Variants in RGS7 observed in about 807,000 individuals in gnomAD.
RGS7 encodes regulator of G protein signaling 7.
RGS7 carries 27 observed loss-of-function variants against 81.1 expected under a neutral mutation model. The observed-to-expected ratio is 0.33, with a 90% CI of 0.25 to 0.46. The LOEUF (loss-of-function observed/expected upper bound fraction) is 0.46, where lower values mean the gene tolerates loss of function less well. Ranked by LOEUF, RGS7 falls within the 20% of genes least tolerant of loss-of-function variation. RGS7 has a pLI of 1.00. For missense variants in RGS7, 396 were observed against 607.4 expected, an observed-to-expected ratio of 0.65 and a Z score of 3.66; for synonymous variants, 208 against 207.7, an observed-to-expected ratio of 1.00 and a Z score of -0.01.
intron 11 of RGS7, among the ~76,000 whole-genome samples, chr1:240,815,815 G>A (rs961871730): frequency 6.6e-6 from 1 of 152,168 alleles, no homozygotes; most frequent in Admixed American, 6.5e-5. Flanking sequence ...AAGAGGTAGT[G>A]TATAGCATGA....
intron 2 of RGS7, among the ~76,000 whole-genome samples, chr1:241,344,563 A>AT (rs1224029423): frequency 6.6e-6 from 1 of 152,230 alleles, no homozygotes; most frequent in East Asian, 1.9e-4. Context: ...CGTTAAGTGC[A>AT]TTTTAACCCA....
chr1:241,247,480 T>G (rs1462008704), intron 2 of RGS7, among the ~76,000 whole-genome samples: 1 of 152,174 alleles, frequency 6.6e-6, no homozygotes, highest in Non-Finnish European at 1.5e-5. Context: ...GGGAGTCTGA[T>G]CTCTCTTTCC....
At chr1:241,064,658 G>A (rs538677930) in intron 3 of RGS7, among the ~76,000 whole-genome samples, 41 of 152,180 alleles carry the variant, frequency 2.7e-4, no homozygotes, top group African/African-American at 9.4e-4. Context: ...CACTTTGGGA[G>A]GCCAAGGCAG....
chr1:240,856,117 A>C (rs1661079308), intron 9 of RGS7, among the ~76,000 whole-genome samples: 1 of 152,178 alleles, frequency 6.6e-6, no homozygotes, highest in Admixed American at 6.5e-5. Context: ...TTTTCAGATT[A>C]TCTCTATGCC....
chr1:241,017,102 A>G (rs1046514338), intron 3 of RGS7, among the ~76,000 whole-genome samples: 2 of 152,166 alleles, frequency 1.3e-5, no homozygotes, highest in Non-Finnish European at 2.9e-5. Flanking sequence ...CAGGTACCTA[A>G]TAACAAAGAC....
chr1:240,864,583 G>A (rs1317357017), intron 9 of RGS7, among the ~76,000 whole-genome samples: 1 of 152,138 alleles, frequency 6.6e-6, no homozygotes, highest in Non-Finnish European at 1.5e-5. Context: ...CCTGCACCTA[G>A]AGGACAGATC....
chr1:240,789,596 C>T (rs773035268), intron 18 of RGS7, among the ~76,000 whole-genome samples: 7 of 152,196 alleles, frequency 4.6e-5, no homozygotes, highest in Non-Finnish European at 5.9e-5. Context: ...CTATCTTTTA[C>T]GGTCGTAGCT....
intron 3 of RGS7, among the ~76,000 whole-genome samples, chr1:241,055,003 G>A (rs539510112): frequency 1.3e-5 from 2 of 152,208 alleles, no homozygotes; most frequent in East Asian, 3.9e-4. Context: ...TAATCATGCA[G>A]TTTGGTAAAT....
At chr1:240,803,651 A>G (rs1688353315) in intron 15 of RGS7, among the ~76,000 whole-genome samples, 1 of 151,546 alleles carries the variant, frequency 6.6e-6, no homozygotes, top group African/African-American at 2.4e-5. Context: ...TTGATGATGA[A>G]TTTTGATAGA....
In RGS7 at chr1:241,271,898, T is replaced by C. The variant is rs1220476164; in HGVS notation, c.78+83801A>G. 1.1e-5 allele frequency among the ~76,000 whole-genome samples: 1 copy of C among 94,192 alleles called. No individual in the cohort carries two copies. Among genetic ancestry groups the C allele is most frequent in the Non-Finnish European group, 2.6e-5 (1 of 37,926 alleles). The allele number at this position is 94,192 out of a possible 152,430, so 61.8% of individuals were successfully genotyped here. On this transcript the variant is annotated intron_variant, in intron 2 of 18. Coordinates refer to ENST00000440928, the MANE Select transcript of RGS7 (RefSeq NM_001364886.1). The surrounding 1 kb of genome is among the most constrained non-coding windows in gnomAD (Gnocchi z 4.6). Reference sequence around the variant, plus strand: ...AATCTTTATAACGTGTGTGTGTGTGTGTGTGTGTGTGTGTGTGTGTGTGTG... The same window carrying C: ...AATCTTTATAACGTGTGTGTGTGTGCGTGTGTGTGTGTGTGTGTGTGTGTG...
chr1:240,868,533 A>C lies in RGS7; in HGVS notation c.609+54T>G. On this transcript the variant is annotated intron_variant, in intron 9 of 18. Coordinates refer to ENST00000440928, the MANE Select transcript of RGS7 (RefSeq NM_001364886.1). The surrounding 1 kb of genome is among the most constrained non-coding windows in gnomAD (Gnocchi z 5.1). ...CACTTACTTTGGCAGGGCACCCCTC[A>C]CTTCCCACAGACGGAGAAGATGGAT... The C allele has an allele frequency of 3.3e-6, 5 of 1,524,978 alleles. No individual in the cohort carries two copies. The highest frequency in any genetic ancestry group is 4.5e-6 in the Non-Finnish European group (5 of 1,099,710). 94.5% of individuals were successfully genotyped at this position (1,524,978 alleles called of 1,614,324 possible).
intron 7 of RGS7, among the ~76,000 whole-genome samples, chr1:240,869,560 T>A (rs898002967): frequency 5.3e-5 from 8 of 152,212 alleles, no homozygotes; most frequent in Admixed American, 5.2e-4. Flanking sequence ...TTTTGCCATA[T>A]GCAATGTGAA....
At chr1:240,976,414 C>A (rs1684069456) in intron 4 of RGS7, among the ~76,000 whole-genome samples, 1 of 152,186 alleles carries the variant, frequency 6.6e-6, no homozygotes, top group Admixed American at 6.5e-5. Context: ...GTCAACCTGG[C>A]TAGGACACTG....
chr1:241,351,143 G>A (rs2083222338), intron 2 of RGS7, among the ~76,000 whole-genome samples: 4 of 152,120 alleles, frequency 2.6e-5, no homozygotes, highest in Non-Finnish European at 5.9e-5. Flanking sequence ...TCACGGCTGG[G>A]CACTGTGGCT....
chr1:240,985,414 C>T (rs1203570865), intron 3 of RGS7, among the ~76,000 whole-genome samples: 1 of 151,918 alleles, frequency 6.6e-6, no homozygotes, highest in African/African-American at 2.4e-5. Flanking sequence ...TAAAAATATT[C>T]TGTTCTGTTA....
intron 18 of RGS7, among the ~76,000 whole-genome samples, chr1:240,788,157 A>G (rs1685381810): frequency 6.6e-6 from 1 of 152,224 alleles, no homozygotes; most frequent in Non-Finnish European, 1.5e-5. Flanking sequence ...CATCTTTATC[A>G]AGTGTTTTTG....
chr1:241,340,201 A>T (rs1231026702), intron 2 of RGS7, among the ~76,000 whole-genome samples: 6 of 152,198 alleles, frequency 3.9e-5, no homozygotes, highest in Non-Finnish European at 1.5e-5. Flanking sequence ...TATGAAAAGA[A>T]TGCATAATTG....
chr1:241,103,215 A>C (rs2064889045), intron 2 of RGS7, among the ~76,000 whole-genome samples: 2 of 152,260 alleles, frequency 1.3e-5, no homozygotes, highest in South Asian at 4.1e-4. Flanking sequence ...ATATATATGC[A>C]TGTATACATG....
At chr1:241,067,556 G>T (rs1164526554) in intron 3 of RGS7, among the ~76,000 whole-genome samples, 2 of 146,690 alleles carry the variant, frequency 1.4e-5, no homozygotes, top group Non-Finnish European at 3.0e-5. Flanking sequence ...GTCTCAATCT[G>T]TTGCCCAGGC....
Sources: gnomAD v4.1 joint callset for allele counts (sites outside exome capture counted in the v4.1 genomes callset) on GRCh38, gnomAD v4.1.1 for gene constraint, Gnocchi (gnomAD v3.1) non-coding constraint, MANE v1.5 for transcripts, NCBI Gene and HGNC (gene_info 2026-07-23, HGNC 2026-07-21) for gene names.